Variants in VHL observed in about 807,000 individuals in gnomAD.
VHL encodes the protein von Hippel-Lindau tumor suppressor.
In VHL, 10 loss-of-function variants were observed where a neutral mutation model predicts 19.2. That is an observed-to-expected ratio of 0.52 (90% CI 0.32 to 0.89). The LOEUF is 0.89. VHL is among the 40% of genes least tolerant of loss of function. The probability of loss-of-function intolerance (pLI) is 0.03; values close to 1 mark genes in which losing one functional copy is unlikely to be tolerated. For missense variants in VHL, 328 were observed against 292.7 expected (o/e 1.12, Z -0.88); for synonymous variants, 167 against 129.5 (o/e 1.29, Z -1.97).
At chr3:10,147,067 A>C (rs1166283872) in intron 2 of VHL, among the ~76,000 whole-genome samples, 1 of 152,158 alleles carries the variant, frequency 6.6e-6, no homozygotes, top group Non-Finnish European at 1.5e-5. Context: ...GCTGGAGTGC[A>C]GTGGCGCAAT....
In VHL at chr3:10,149,604, C is replaced by A. The variant is rs1408527012; in HGVS notation, c.464-183C>A. 4.6e-5 allele frequency among the ~76,000 whole-genome samples: 7 copies of A among 152,204 alleles called. No homozygotes were observed. The East Asian group carries it at 1.2e-3, about 25-fold the overall frequency. On this transcript the variant is annotated intron_variant, in intron 2 of 2. Transcript: ENST00000256474. ...GGTGAAATTACTACAGAGGCATGAACACCATGAGGTGTCCATAGGGGGCCA... is the reference window on the plus strand; with the variant it reads ...GGTGAAATTACTACAGAGGCATGAAAACCATGAGGTGTCCATAGGGGGCCA...
Position 10,142,058 on chromosome 3 carries a change from C to A in VHL, c.211C>A (p.Pro71Thr). 1 of 1,606,718 alleles carries A rather than the reference C, an allele frequency of 6.2e-7. No individual in the cohort carries two copies. The highest frequency in any genetic ancestry group is 1.1e-5 in the South Asian group (1 of 90,586). ...PVLRSVNSRE[P>T]SQVIFCNRSP... ...GCTGCGCTCGGTGAACTCGCGCGAG[C>A]CCTCCCAGGTCATCTTCTGCAATCG... Residue 71 changes from proline (P) to threonine (T), a missense_variant, in exon 1 of 3, where the codon CCC becomes ACC. Transcript: ENST00000256474.
At chr3:10,147,313 G>C (rs974601270) in intron 2 of VHL, among the ~76,000 whole-genome samples, 9 of 149,596 alleles carry the variant, frequency 6.0e-5, no homozygotes, top group African/African-American at 2.2e-4. Flanking sequence ...CCTGGCCTAT[G>C]TATTTTCAAT....
At position 10,141,824 on chromosome 3, in the gene VHL, C is replaced by A. The variant is rs1267337599; in HGVS notation, c.-24C>A. The A allele has an allele frequency of 6.5e-7, 1 of 1,536,524 alleles. No homozygotes were observed. The highest frequency in any genetic ancestry group is 1.4e-5 in the African/African-American group (1 of 72,234). ...CCCGCGGATCCCGCGGCGTCCGGCCCGGGTGGTCTGGATCGCGGAGGGAAT... is the reference window on the plus strand; with the variant it reads ...CCCGCGGATCCCGCGGCGTCCGGCCAGGGTGGTCTGGATCGCGGAGGGAAT... On this transcript the variant is annotated 5_prime_UTR_variant, in exon 1 of 3. Coordinates refer to ENST00000256474, the MANE Select transcript of VHL (RefSeq NM_000551.4).
intron 1 of VHL, among the ~76,000 whole-genome samples, chr3:10,145,290 G>A (rs1164137337): frequency 6.6e-6 from 1 of 152,100 alleles, no homozygotes; most frequent in African/African-American, 2.4e-5. Context: ...AAATCTGTAA[G>A]TAAATTTATG....
At position 10,153,464 on chromosome 3, in the gene VHL, C is replaced by T. The variant is rs949032102; in HGVS notation, c.*3499C>T. Among the ~76,000 whole-genome samples the T allele has an allele frequency of 4.6e-5, 7 of 151,826 alleles. No individual in the cohort carries two copies. Among genetic ancestry groups the T allele is most frequent in the African/African-American group, 1.7e-4 (7 of 41,300 alleles). On this transcript the variant is annotated 3_prime_UTR_variant, in exon 3 of 3. Transcript: ENST00000256474. ...CCAAAAAAACAAAAAAAAAACATGC[C>T]GTTTGAGTACTGTGTTTTTGGTGTT...
chr3:10,147,368 T>A (rs201360575), intron 2 of VHL, among the ~76,000 whole-genome samples: 959 of 42,596 alleles, frequency 0.023, 5 homozygotes, highest in East Asian at 0.077. Context: ...TGTTTTTTTT[T>A]TTTTTATTTT....
chr3:10,146,654 T>G lies in VHL; in HGVS notation c.463+18T>G. The G allele has an allele frequency of 6.2e-7, 1 of 1,612,872 alleles. No homozygotes were observed. The highest frequency in any genetic ancestry group is 1.1e-5 in the South Asian group (1 of 91,070). On this transcript the variant is annotated intron_variant, in intron 2 of 2. Coordinates refer to ENST00000256474, the MANE Select transcript of VHL (RefSeq NM_000551.4). ...ACTGCCAGGTACTGACGTTTTACTTTTTAAAAAGATAAGGTTGTTGTGGTA... is the reference window on the plus strand; with the variant it reads ...ACTGCCAGGTACTGACGTTTTACTTGTTAAAAAGATAAGGTTGTTGTGGTA...
In VHL at chr3:10,151,403, C is replaced by A. The variant is rs1696406758; in HGVS notation, c.*1438C>A. On this transcript the variant is annotated 3_prime_UTR_variant, in exon 3 of 3. Transcript: ENST00000256474. The stretch of plus-strand genomic sequence containing the variant: ...TTTTCCACTTTTGTTCTACTCCTTC[C>A]CTAATAGCTTTTTAAAAAAATCTCC... 4.5e-6 allele frequency: 1 copy of A among 220,612 alleles called. No homozygotes were observed. The highest frequency in any genetic ancestry group is 2.2e-5 in the African/African-American group (1 of 44,570). The allele number at this position is 220,612 out of a possible 1,614,324, so 13.7% of individuals were successfully genotyped here. A position where few individuals can be genotyped will look rare whatever the true frequency, so the allele number is the denominator to read the frequency against.
intron 2 of VHL, 65 bp from the exon 3 acceptor site, chr3:10,149,722 C>G (rs1035936860): frequency 4.1e-5 from 58 of 1,431,162 alleles, no homozygotes; most frequent in Non-Finnish European, 5.0e-5. Context: ...TTGGCAAAGC[C>G]TCTTGTTCGT....
rs1642741 is a variant in VHL at position 10,151,078 on chromosome 3, T to C, written c.*1113T>C. 164,470 of 186,146 alleles carry C rather than the reference T, an allele frequency of 0.88. 72,846 individuals carry two copies. The highest frequency in any genetic ancestry group is 0.94 in the African/African-American group (40,017 of 42,778). The allele number at this position is 186,146 out of a possible 1,614,324, so 11.5% of individuals were successfully genotyped here. On this transcript the variant is annotated 3_prime_UTR_variant, in exon 3 of 3. Transcript: ENST00000256474. Reference sequence around the variant, plus strand: ...TACTTTTAGTAGAGACAGTGTTTCGTCATGTTGGCCAGGCTGGTTTCAAAC... The same window carrying C: ...TACTTTTAGTAGAGACAGTGTTTCGCCATGTTGGCCAGGCTGGTTTCAAAC...
At chr3:10,146,253 A>T (rs1244424735) in intron 1 of VHL, among the ~76,000 whole-genome samples, 2 of 148,438 alleles carry the variant, frequency 1.3e-5, no homozygotes, top group Non-Finnish European at 3.0e-5. Context: ...GGCTCACGGC[A>T]AGCTCCACCT....
intron 2 of VHL, among the ~76,000 whole-genome samples, chr3:10,146,996 T>C (rs1022989228): frequency 1.3e-5 from 2 of 152,130 alleles, no homozygotes; most frequent in Non-Finnish European, 2.9e-5. Context: ...TTTTGGCTTA[T>C]TTGTTGCTGA....
chr3:10,144,479 C>T (rs569604252), intron 1 of VHL, among the ~76,000 whole-genome samples: 1 of 146,648 alleles, frequency 6.8e-6, no homozygotes, highest in Non-Finnish European at 1.5e-5. Context: ...CAGCAAGACC[C>T]TGTCTCTCTA....
At chr3:10,142,232 C>T (rs1481263438) in intron 1 of VHL, 45 bp downstream of exon 1, 6 of 1,570,112 alleles carry the variant, frequency 3.8e-6, no homozygotes, top group Non-Finnish European at 5.1e-6. Flanking sequence ...GACGATAGCA[C>T]GGTCTGAAGC....
intron 1 of VHL, among the ~76,000 whole-genome samples, chr3:10,145,586 G>C (rs1309126767): frequency 6.6e-6 from 1 of 151,714 alleles, no homozygotes; most frequent in Non-Finnish European, 1.5e-5. Context: ...GGCACCTGTG[G>C]TCCCAGCTAT....
chr3:10,146,363 A>G (rs768547253), intron 1 of VHL, 151 bp from the exon 2 acceptor site: 2 of 1,003,810 alleles, frequency 2.0e-6, no homozygotes, highest in Non-Finnish European at 3.0e-6. Flanking sequence ...TTTAGTAGAG[A>G]CGAGGTTTCA....
rs1575921940 is a variant in VHL, at chr3:10,142,075, C to G, written c.228C>G (p.Phe76Leu). The G allele has an allele frequency of 6.2e-7, 1 of 1,606,974 alleles. No individual in the cohort carries two copies. The highest frequency in any genetic ancestry group is 8.5e-7 in the Non-Finnish European group (1 of 1,179,584). Residue 76 changes from phenylalanine to leucine, a missense_variant, in exon 1 of 3, where the codon TTC (phenylalanine) becomes TTG (leucine). Coordinates refer to ENST00000256474, the MANE Select transcript of VHL (RefSeq NM_000551.4). ...VNSREPSQVI[F>L]CNRSPRVVLP... is the part of the protein sequence containing the mutation. The stretch of plus-strand genomic sequence containing the variant: ...CGCGCGAGCCCTCCCAGGTCATCTT[C>G]TGCAATCGCAGTCCGCGCGTCGTGC...
intron 1 of VHL, among the ~76,000 whole-genome samples, chr3:10,146,172 T>C (rs1340911047): frequency 7.0e-6 from 1 of 143,682 alleles, no homozygotes; most frequent in Non-Finnish European, 1.5e-5. Context: ...CCAGTCTGGC[T>C]CTTTTTTTTT....
Sources: allele counts gnomAD v4.1 joint callset (sites outside exome capture counted in the v4.1 genomes callset), GRCh38; gene constraint gnomAD v4.1.1; transcripts MANE v1.5; gene names NCBI Gene and HGNC (gene_info 2026-07-23, HGNC 2026-07-21).